Variants in CDH12 observed in about 807,000 individuals in gnomAD.
The protein encoded by CDH12 is cadherin-12.
In CDH12, 41 loss-of-function variants were observed where a neutral mutation model predicts 74.1. The observed-to-expected ratio is 0.55, with a 90% CI of 0.43 to 0.72. The LOEUF (loss-of-function observed/expected upper bound fraction) is 0.72. Among genes scored for constraint, CDH12 ranks in the 30% least tolerant of loss-of-function variants. CDH12 has a pLI of 0.00. For synonymous variants in CDH12, 399 were observed against 355.0 expected (o/e 1.12, Z -1.39); for missense variants, 945 against 977.2 (o/e 0.97, Z 0.44).
At chr5:22,529,922 T>C (rs959801853) in intron 1 of CDH12, among the ~76,000 whole-genome samples, 2 of 152,184 alleles carry the variant, frequency 1.3e-5, no homozygotes, top group Non-Finnish European at 2.9e-5. Flanking sequence ...GTACCACCTG[T>C]AGAAAGTTCT....
chr5:22,216,126 T>C (rs549102145), intron 3 of CDH12, among the ~76,000 whole-genome samples: 47 of 152,204 alleles, frequency 3.1e-4, no homozygotes, highest in Non-Finnish European at 5.2e-4. Flanking sequence ...CGAACAAATA[T>C]GTTTATCTGA....
chr5:21,897,683 A>G (rs1471853205), intron 6 of CDH12, among the ~76,000 whole-genome samples: 1 of 152,218 alleles, frequency 6.6e-6, no homozygotes, highest in African/African-American at 2.4e-5. Flanking sequence ...TTATAGTAAG[A>G]TTTCATAAAT....
intron 4 of CDH12, chr5:22,142,308 T>C (rs1223376260): frequency 1.3e-5 from 4 of 301,854 alleles, no homozygotes; most frequent in African/African-American, 9.0e-5. Flanking sequence ...CTATATGAAG[T>C]AGAGGAAGGG....
In CDH12 at chr5:21,821,888, T is replaced by G. The variant is rs568264606; in HGVS notation, c.815-4756A>C. ...CCTTCTAATGGCTTAGAAATAAAATTTTGTTGTATCAATATTTTATTTTTT... is the reference window on the plus strand; with the variant it reads ...CCTTCTAATGGCTTAGAAATAAAATGTTGTTGTATCAATATTTTATTTTTT... On this transcript the variant is annotated intron_variant, in intron 8 of 14. Transcript: ENST00000382254. 3.1e-3 allele frequency among the ~76,000 whole-genome samples: 478 copies of G among 152,106 alleles called. 2 individuals are homozygous for G. The highest frequency in any genetic ancestry group is 0.011 in the African/African-American group (452 of 41,560).
chr5:22,167,940 A>G (rs1392983549), intron 4 of CDH12, among the ~76,000 whole-genome samples: 1 of 152,102 alleles, frequency 6.6e-6, no homozygotes. Flanking sequence ...AAACACCACC[A>G]TTAGATGGAC....
intron 1 of CDH12, among the ~76,000 whole-genome samples, chr5:22,617,446 T>C (rs1244549957): frequency 6.6e-6 from 1 of 152,092 alleles, no homozygotes; most frequent in Non-Finnish European, 1.5e-5. Context: ...ATCATATGTT[T>C]AGGAAAAACT....
chr5:22,736,808 C>T (rs1271195864), intron 1 of CDH12, among the ~76,000 whole-genome samples: 1 of 151,800 alleles, frequency 6.6e-6, no homozygotes, highest in Non-Finnish European at 1.5e-5. Context: ...TCCTTTTTCT[C>T]ACCAGAAATA....
chr5:21,909,448 A>G (rs1753772683), intron 6 of CDH12, among the ~76,000 whole-genome samples: 1 of 152,156 alleles, frequency 6.6e-6, no homozygotes, highest in Non-Finnish European at 1.5e-5. Context: ...ATTTGGCACA[A>G]AATTTTGCAT....
Position 21,854,767 on chromosome 5 carries a change from C to T in CDH12, c.550G>A (p.Ala184Thr). The change falls in exon 7 of 15, where the codon GCC (alanine) becomes ACC (threonine). Residue 184 changes from alanine to threonine, a missense_variant. Transcript: ENST00000382254. ...PVGAYVLQVK[A>T]TDADDPTYGN... is the part of the protein sequence containing the mutation. ...TAGGTCGGGTCATCTGCATCTGTGGCCTTGACCTGGAGTACATATGCACCT... is the reference window on the plus strand; with the variant it reads ...TAGGTCGGGTCATCTGCATCTGTGGTCTTGACCTGGAGTACATATGCACCT... 6.2e-7 allele frequency: 1 copy of T among 1,609,620 alleles called. No individual in the cohort carries two copies. The highest frequency in any genetic ancestry group is 8.5e-7 in the Non-Finnish European group (1 of 1,177,228).
At chr5:22,805,651 A>G (rs1419537109) in intron 1 of CDH12, among the ~76,000 whole-genome samples, 3 of 152,056 alleles carry the variant, frequency 2.0e-5, no homozygotes, top group African/African-American at 7.2e-5. Flanking sequence ...ATTTTACAAA[A>G]GCTTTTTCTT....
chr5:22,829,941 C>T (rs1045372874), intron 1 of CDH12, among the ~76,000 whole-genome samples: 2 of 152,096 alleles, frequency 1.3e-5, no homozygotes, highest in Non-Finnish European at 2.9e-5. Flanking sequence ...AGCTTTTTAA[C>T]GTTAGTGGTT....
chr5:22,393,354 G>A (rs558122580), intron 3 of CDH12, among the ~76,000 whole-genome samples: 1 of 152,202 alleles, frequency 6.6e-6, no homozygotes, highest in South Asian at 2.1e-4. Context: ...ATCTCTACTA[G>A]GTCACTTAAG....
intron 3 of CDH12, among the ~76,000 whole-genome samples, chr5:22,307,873 G>GTTTTTTTTATT (rs1738182160): frequency 1.5e-5 from 1 of 68,658 alleles, no homozygotes; most frequent in Admixed American, 2.8e-4. Context: ...CTTTCTTTTA[G>GTTTTTTTTATT]TTTTTTTTTT....
At chr5:22,144,298 TA>T in intron 4 of CDH12, 1 of 152,208 alleles carries the variant, frequency 6.6e-6, no homozygotes, top group Non-Finnish European at 1.5e-5. Flanking sequence ...GGTTACAGTT[TA>T]AAATACTTCC....
intron 3 of CDH12, among the ~76,000 whole-genome samples, chr5:22,355,521 AAAAT>A (rs760647622): frequency 4.1e-3 from 305 of 74,126 alleles, no homozygotes; most frequent in Admixed American, 8.7e-3. Flanking sequence ...CCTTAAAAAA[AAAAT>A]ATATATATAT....
Position 22,785,559 on chromosome 5 carries a change from A to C in CDH12, c.-523+67499T>G, listed in dbSNP as rs145289169. Among the ~76,000 whole-genome samples the C allele has an allele frequency of 2.8e-3, 423 of 152,186 alleles. 4 individuals carry two copies. Among genetic ancestry groups the C allele is most frequent in the African/African-American group, 1.0e-2 (415 of 41,530 alleles). On this transcript the variant is annotated intron_variant, in intron 1 of 14. Transcript: ENST00000382254. ...ATTTGAGACAAGGTCTCACTCTGTC[A>C]TCCATTCTTGAATGCAGTGGTGCAA... is the stretch of plus-strand genomic sequence containing the variant.
intron 1 of CDH12, among the ~76,000 whole-genome samples, chr5:22,732,820 C>T (rs1744501658): frequency 6.6e-6 from 1 of 151,848 alleles, no homozygotes; most frequent in Non-Finnish European, 1.5e-5. Flanking sequence ...ATACCTTGGT[C>T]ACAGACTTCC....
chr5:22,582,715 G>A (rs1024502502), intron 1 of CDH12, among the ~76,000 whole-genome samples: 63 of 152,166 alleles, frequency 4.1e-4, no homozygotes, highest in Non-Finnish European at 2.9e-4. Flanking sequence ...TAATTACTAT[G>A]TAACACATTA....
chr5:22,577,884 A>G (rs1382849319), intron 1 of CDH12, among the ~76,000 whole-genome samples: 1 of 152,232 alleles, frequency 6.6e-6, no homozygotes, highest in Non-Finnish European at 1.5e-5. Flanking sequence ...ACTATCTAAA[A>G]GGAACAACTA....
Sources: allele counts gnomAD v4.1 joint callset (sites outside exome capture counted in the v4.1 genomes callset), GRCh38; gene constraint gnomAD v4.1.1; transcripts MANE v1.5; gene names NCBI Gene and HGNC (gene_info 2026-07-23, HGNC 2026-07-21).